The following MAGI2 variants were observed in gnomAD, a reference collection of about 807,000 sequenced individuals.
The protein encoded by MAGI2 is membrane-associated guanylate kinase, WW and PDZ domain-containing protein 2.
Under a neutral mutation model 133.3 loss-of-function variants are expected in MAGI2, and 35 were observed. That is an observed-to-expected ratio of 0.26 (90% CI 0.20 to 0.35). The LOEUF (loss-of-function observed/expected upper bound fraction) is 0.35. Among genes scored for constraint, MAGI2 ranks in the 10% least tolerant of loss-of-function variants. The pLI, the probability that MAGI2 is intolerant of heterozygous loss-of-function variation, is 1.00. For missense variants in MAGI2, 1,636 were observed against 1,863.4 expected (o/e 0.88, Z 2.25); for synonymous variants, 729 against 710.6 (o/e 1.03, Z -0.41).
intron 10 of MAGI2, among the ~76,000 whole-genome samples, chr7:78,217,438 G>A (rs755707379): frequency 2.0e-5 from 3 of 152,078 alleles, no homozygotes; most frequent in Admixed American, 6.6e-5. Context: ...ACATCAAAAT[G>A]TATTTTTACC....
chr7:78,303,739 T>C (rs1057347919), intron 9 of MAGI2, among the ~76,000 whole-genome samples: 11 of 152,112 alleles, frequency 7.2e-5, no homozygotes, highest in African/African-American at 2.2e-4. Flanking sequence ...ATGTTAGGGG[T>C]TTATTCTAAT....
intron 6 of MAGI2, among the ~76,000 whole-genome samples, chr7:78,403,338 G>C (rs370123932): frequency 6.6e-6 from 1 of 152,118 alleles, no homozygotes; most frequent in African/African-American, 2.4e-5. Context: ...CTCATCCTTT[G>C]TTATGGCTGC....
chr7:78,762,140 C>CTAAGAA (rs1824570949), intron 2 of MAGI2, among the ~76,000 whole-genome samples: 2 of 39,606 alleles, frequency 5.0e-5, no homozygotes, highest in African/African-American at 2.1e-4. Flanking sequence ...ATGGAGACTG[C>CTAAGAA]CAAGAACAAG....
At chr7:78,529,933 T>C (rs1287025129) in intron 3 of MAGI2, among the ~76,000 whole-genome samples, 1 of 152,000 alleles carries the variant, frequency 6.6e-6, no homozygotes, top group African/African-American at 2.4e-5. Context: ...AAAAAGTTAC[T>C]GTAATATTTT....
chr7:79,077,494 G>C (rs769425850), intron 1 of MAGI2, among the ~76,000 whole-genome samples: 6 of 148,178 alleles, frequency 4.0e-5, no homozygotes, highest in Non-Finnish European at 5.9e-5. Context: ...AGAATGGTGT[G>C]AACCTGGCCG....
At chr7:78,449,297 A>C (rs1416853380) in intron 6 of MAGI2, among the ~76,000 whole-genome samples, 2 of 151,992 alleles carry the variant, frequency 1.3e-5, no homozygotes, top group African/African-American at 2.4e-5. Context: ...TCATTAATAC[A>C]CTACCGTCAG....
At chr7:79,340,459 T>C (rs1840804453) in intron 1 of MAGI2, among the ~76,000 whole-genome samples, 1 of 152,160 alleles carries the variant, frequency 6.6e-6, no homozygotes, top group Admixed American at 6.6e-5. Context: ...TCTTCCTTCA[T>C]AGTAGTAAAA....
intron 20 of MAGI2, among the ~76,000 whole-genome samples, chr7:78,116,168 C>T (rs1022550969): frequency 6.6e-6 from 1 of 152,010 alleles, no homozygotes; most frequent in Admixed American, 6.6e-5. Context: ...AGAAAATCCC[C>T]ATACAGTCAG....
At chr7:78,276,463 AT>A (rs141213736) in intron 9 of MAGI2, among the ~76,000 whole-genome samples, 3,738 of 149,358 alleles carry the variant, frequency 0.025, 163 homozygotes, top group African/African-American at 0.086. Flanking sequence ...GTGGAATTTT[AT>A]TTTTTTTTTC....
chr7:78,029,753 A>ATC (rs773958610), intron 21 of MAGI2, among the ~76,000 whole-genome samples: 26 of 152,240 alleles, frequency 1.7e-4, no homozygotes, highest in Non-Finnish European at 3.2e-4. Context: ...AAGTGCAGAA[A>ATC]TCTCTACTCT....
At chr7:78,353,741 G>T in intron 7 of MAGI2, among the ~76,000 whole-genome samples, 1 of 152,132 alleles carries the variant, frequency 6.6e-6, no homozygotes, top group Non-Finnish European at 1.5e-5. Flanking sequence ...ATATAGAGGT[G>T]CTCAATAATA....
At chr7:78,258,684 G>C (rs563865735) in intron 9 of MAGI2, among the ~76,000 whole-genome samples, 8 of 152,070 alleles carry the variant, frequency 5.3e-5, no homozygotes, top group African/African-American at 1.7e-4. Flanking sequence ...TAAGCCTTTT[G>C]TAAATGGTAT....
chr7:79,069,557 T>G (rs189753908), intron 1 of MAGI2, among the ~76,000 whole-genome samples: 2 of 152,174 alleles, frequency 1.3e-5, no homozygotes, highest in Non-Finnish European at 2.9e-5. Flanking sequence ...CCAATTTGCC[T>G]GTCTGTGTCT....
intron 1 of MAGI2, among the ~76,000 whole-genome samples, chr7:79,093,837 C>A (rs183881199): frequency 2.0e-5 from 3 of 151,788 alleles, no homozygotes; most frequent in African/African-American, 7.3e-5. Flanking sequence ...ACCTCAGCTT[C>A]CCAAATAGCT....
intron 1 of MAGI2, among the ~76,000 whole-genome samples, chr7:79,399,079 C>CTTTTCTTTTTTTTTTTTTTTTTTTTTT (rs1585840184): frequency 1.7e-5 from 2 of 114,610 alleles, no homozygotes; most frequent in African/African-American, 7.5e-5. Context: ...AGTATTATTT[C>CTTTTCTTTTTTTTTTTTTTTTTTTTTT]TTTTTTTTTT....
intron 2 of MAGI2, among the ~76,000 whole-genome samples, chr7:78,948,538 C>G (rs1412993861): frequency 9.2e-5 from 14 of 152,040 alleles, no homozygotes; most frequent in Non-Finnish European, 2.9e-5. Context: ...GTAGCCACAT[C>G]TTGTAGACAG....
intron 3 of MAGI2, among the ~76,000 whole-genome samples, chr7:78,620,502 G>C (rs1807613885): frequency 6.6e-6 from 1 of 151,958 alleles, no homozygotes; most frequent in Non-Finnish European, 1.5e-5. Flanking sequence ...GCTACATCAT[G>C]AAGTACAGCA....
chr7:78,821,897 C>T (rs1790159972), intron 2 of MAGI2, among the ~76,000 whole-genome samples: 1 of 151,892 alleles, frequency 6.6e-6, no homozygotes, highest in Non-Finnish European at 1.5e-5. Flanking sequence ...ATTCTGTAGG[C>T]AATGTCATTA....
In MAGI2 at chr7:79,222,764, T is replaced by C. The variant is rs189456532; in HGVS notation, c.302-215558A>G. 4.5e-3 allele frequency among the ~76,000 whole-genome samples: 692 copies of C among 152,220 alleles called. 7 individuals are homozygous for C. Among genetic ancestry groups the C allele is most frequent in the Middle Eastern group, 0.02 (6 of 294 alleles). The stretch of plus-strand genomic sequence containing the variant: ...ATTTGCTAGGATAAACATTCCAGTT[T>C]CATTATTAATTTTGATGAAAACTAT... On this transcript the variant is annotated intron_variant, in intron 1 of 21. Coordinates refer to ENST00000354212, the MANE Select transcript of MAGI2 (RefSeq NM_012301.4).
Sources: gnomAD v4.1 joint callset for allele counts (sites outside exome capture counted in the v4.1 genomes callset) on GRCh38, gnomAD v4.1.1 for gene constraint, MANE v1.5 for transcripts, NCBI Gene and HGNC (gene_info 2026-07-23, HGNC 2026-07-21) for gene names.